The following SMIM14 variants were observed in gnomAD, a reference collection of about 807,000 sequenced individuals.
SMIM14 encodes chromosome 4 open reading frame 34.
SMIM14 carries 5 observed loss-of-function variants against 12.6 expected under a neutral mutation model. The ratio of observed to expected loss-of-function variants is 0.40; its 90% CI spans 0.21 to 0.83. SMIM14 has a LOEUF of 0.83. Among genes scored for constraint, SMIM14 ranks in the 40% least tolerant of loss-of-function variants. SMIM14 has a pLI of 0.37. For missense variants in SMIM14, 86 were observed against 119.1 expected (o/e 0.72, Z 1.29); for synonymous variants, 30 against 40.1 (o/e 0.75, Z 0.95).
At chr4:39,638,203 G>A (rs1225738375) in intron 1 of SMIM14, 1 of 152,488 alleles carries the variant, frequency 6.6e-6, no homozygotes, top group African/African-American at 2.4e-5. Flanking sequence ...TGAGCAAACA[G>A]AAAAAGGGGA....
chr4:39,629,471 G>T (rs1715827919), intron 1 of SMIM14, among the ~76,000 whole-genome samples: 1 of 137,532 alleles, frequency 7.3e-6, no homozygotes, highest in Non-Finnish European at 1.5e-5. Flanking sequence ...TTTGGAGACA[G>T]GGTCTCTATT....
chr4:39,572,383 G>A, intron 3 of SMIM14, 32 bp downstream of exon 3: 1 of 1,409,024 alleles, frequency 7.1e-7, no homozygotes, highest in Non-Finnish European at 9.5e-7. Flanking sequence ...TGCCCCCAAT[G>A]CCATCCTTCC....
chr4:39,583,329 C>T (rs746038675), intron 2 of SMIM14, among the ~76,000 whole-genome samples: 1 of 152,036 alleles, frequency 6.6e-6, no homozygotes, highest in Non-Finnish European at 1.5e-5. Flanking sequence ...AACTCCTGGG[C>T]TCAAGCAATC....
chr4:39,581,312 GC>G (rs1419399133), intron 2 of SMIM14, among the ~76,000 whole-genome samples: 1 of 151,914 alleles, frequency 6.6e-6, no homozygotes, highest in Non-Finnish European at 1.5e-5. Context: ...GAGCAGATCT[GC>G]CTGTTAACAA....
At chr4:39,572,968 C>G (rs1299502143) in intron 2 of SMIM14, among the ~76,000 whole-genome samples, 9 of 152,190 alleles carry the variant, frequency 5.9e-5, no homozygotes, top group Admixed American at 3.3e-4. Flanking sequence ...TCCTGAGTAG[C>G]TGGTACTACA....
chr4:39,635,199 T>C lies in SMIM14; in HGVS notation c.-36+3540A>G, dbSNP rs139528887. Among the ~76,000 whole-genome samples, 21 of 152,220 alleles carry C rather than the reference T, an allele frequency of 1.4e-4. No homozygotes were observed. The East Asian group carries it at 4.1e-3, about 29-fold the overall frequency. ...CAAAGGCCCTACAGCAAGAACCAGC[T>C]TGGCAAGTTCCAGGGACAAAAATGC... On this transcript the variant is annotated intron_variant, in intron 1 of 4. Transcript: ENST00000295958.
At chr4:39,625,668 T>TGACCTCTGGTGATCAGTCTCCC (rs1578368683) in intron 1 of SMIM14, among the ~76,000 whole-genome samples, 2 of 152,344 alleles carry the variant, frequency 1.3e-5, no homozygotes, top group African/African-American at 4.8e-5. Context: ...CTCAAACTCC[T>TGACCTCTGGTGATCAGTCTCCC]GACCTCTGGT....
In SMIM14 at chr4:39,638,754, C is replaced by T. The variant is rs981362413; in HGVS notation, c.-51G>A. 1.0e-6 allele frequency: 1 copy of T among 985,470 alleles called. No homozygotes were observed. Among genetic ancestry groups the T allele is most frequent in the South Asian group, 4.7e-5 (1 of 21,284 alleles). 61.0% of individuals were successfully genotyped at this position (985,470 alleles called of 1,614,324 possible). A position where few individuals can be genotyped will look rare whatever the true frequency, so the allele number is the denominator to read the frequency against. ...AGACACTCACCCGCCCAGACAACAA[C>T]CGATGGGGCGGGGAGGATGGGGGCC... On this transcript the variant is annotated 5_prime_UTR_variant, in exon 1 of 5. Transcript: ENST00000295958.
intron 2 of SMIM14, among the ~76,000 whole-genome samples, chr4:39,590,353 C>T (rs1714002925): frequency 6.7e-6 from 1 of 149,772 alleles, no homozygotes; most frequent in Non-Finnish European, 1.5e-5. Flanking sequence ...GTGGAAGTTA[C>T]GGTGACCCGA....
intron 1 of SMIM14, among the ~76,000 whole-genome samples, chr4:39,615,396 G>A (rs993326525): frequency 5.9e-5 from 9 of 152,088 alleles, no homozygotes; most frequent in African/African-American, 1.9e-4. Context: ...ATAAATGAAT[G>A]GGGGGATTTT....
At chr4:39,629,360 C>CAAAAAAAAAAAA (rs11459763) in intron 1 of SMIM14, among the ~76,000 whole-genome samples, 1 of 80,486 alleles carries the variant, frequency 1.2e-5, no homozygotes, top group Non-Finnish European at 2.2e-5. Context: ...GACTCTGTCT[C>CAAAAAAAAAAAA]AAAAAAAAAA....
chr4:39,578,976 AACACAGTGAGACT>A (rs1160966533), intron 2 of SMIM14, among the ~76,000 whole-genome samples: 2 of 150,284 alleles, frequency 1.3e-5, no homozygotes, highest in Non-Finnish European at 3.0e-5. Flanking sequence ...CAGCCTGGGC[AACACAGTGAGACT>A]GTCAAAAAAA....
chr4:39,631,476 G>A (rs1481443181), intron 1 of SMIM14, among the ~76,000 whole-genome samples: 4 of 151,720 alleles, frequency 2.6e-5, no homozygotes, highest in Non-Finnish European at 5.9e-5. Context: ...GGCTAACATG[G>A]TGAAACTCCG....
chr4:39,588,816 T>A (rs1397221787), intron 2 of SMIM14, among the ~76,000 whole-genome samples: 1 of 151,656 alleles, frequency 6.6e-6, no homozygotes, highest in Non-Finnish European at 1.5e-5. Flanking sequence ...ATATTATTTA[T>A]ATAAATAATT....
rs1250894843 is a variant in SMIM14 at position 39,550,997 on chromosome 4, C to T, written c.*1129G>A. Reference sequence around the variant, plus strand: ...CGATCTTGGTTCACTGCAACCTCCACCTCCCGGGTTCAAGCAATTCTCCTG... The same window carrying T: ...CGATCTTGGTTCACTGCAACCTCCATCTCCCGGGTTCAAGCAATTCTCCTG... On this transcript the variant is annotated 3_prime_UTR_variant, in exon 5 of 5. Transcript: ENST00000295958. 6.6e-6 allele frequency: 1 copy of T among 151,952 alleles called. No individual in the cohort carries two copies. Among genetic ancestry groups the T allele is most frequent in the Non-Finnish European group, 1.5e-5 (1 of 68,046 alleles). 9.4% of individuals were successfully genotyped at this position (151,952 alleles called of 1,614,324 possible). A position where few individuals can be genotyped will look rare whatever the true frequency, so the allele number is the denominator to read the frequency against.
intron 1 of SMIM14, among the ~76,000 whole-genome samples, chr4:39,621,686 C>CT (rs57206633): frequency 0.032 from 3,321 of 105,354 alleles, 82 homozygotes; most frequent in Non-Finnish European, 0.049. Context: ...CCAAACGTTT[C>CT]TTTTTTTTTT....
At chr4:39,615,556 G>A (rs1489725759) in intron 1 of SMIM14, among the ~76,000 whole-genome samples, 4 of 152,196 alleles carry the variant, frequency 2.6e-5, no homozygotes, top group South Asian at 2.1e-4. Context: ...TGTTAGGTTC[G>A]TTGACTATAT....
At chr4:39,605,599 TA>T (rs1368981677) in intron 1 of SMIM14, among the ~76,000 whole-genome samples, 1 of 152,060 alleles carries the variant, frequency 6.6e-6, no homozygotes, top group Non-Finnish European at 1.5e-5. Flanking sequence ...ATGACATAGC[TA>T]AAAAATAGCT....
intron 1 of SMIM14, among the ~76,000 whole-genome samples, chr4:39,637,132 T>A (rs1373671111): frequency 1.3e-5 from 2 of 152,202 alleles, no homozygotes; most frequent in Admixed American, 1.3e-4. Context: ...TTGTATAAAA[T>A]ATATAAATGC....
Sources: gnomAD v4.1 joint callset for allele counts (sites outside exome capture counted in the v4.1 genomes callset) on GRCh38, gnomAD v4.1.1 for gene constraint, MANE v1.5 for transcripts, NCBI Gene and HGNC (gene_info 2026-07-23, HGNC 2026-07-21) for gene names.